Variants in SUPT5H observed in about 807,000 individuals in gnomAD.
SUPT5H encodes SPT5 homolog, DSIF elongation factor subunit, also known as transcription elongation factor SPT5.
A neutral mutation model predicts 142.5 loss-of-function variants in SUPT5H; 24 were observed. That is an observed-to-expected ratio of 0.17 (90% CI 0.12 to 0.24). The LOEUF (loss-of-function observed/expected upper bound fraction) is 0.24. Among genes scored for constraint, SUPT5H ranks in the 10% least tolerant of loss-of-function variants. The probability of loss-of-function intolerance (pLI) is 1.00; values close to 1 mark genes in which losing one functional copy is unlikely to be tolerated. For missense variants in SUPT5H, 893 were observed against 1,471.8 expected, an observed-to-expected ratio of 0.61 and a Z score of 6.43; for synonymous variants, 546 against 553.0, an observed-to-expected ratio of 0.99 and a Z score of 0.18.
Position 39,472,322 on chromosome 19 carries a change from A to G in SUPT5H, c.1951-87A>G. 7.5e-7 allele frequency: 1 copy of G among 1,337,280 alleles called. No homozygotes were observed. Among genetic ancestry groups the G allele is most frequent in the Non-Finnish European group, 1.1e-6 (1 of 936,456 alleles). 82.8% of individuals were successfully genotyped at this position (1,337,280 alleles called of 1,614,324 possible). A position where few individuals can be genotyped will look rare whatever the true frequency, so the allele number is the denominator to read the frequency against. Reference sequence around the variant, plus strand: ...GTGTGGGTGGCTGGGTGGTCTCCTCAGGGCCCTGCACGTGGGATGATGAGT... The same window carrying G: ...GTGTGGGTGGCTGGGTGGTCTCCTCGGGGCCCTGCACGTGGGATGATGAGT... On this transcript the variant is annotated intron_variant, in intron 20 of 29. Transcript: ENST00000432763. The surrounding 1 kb of genome is among the most constrained non-coding windows in gnomAD (Gnocchi z 4.2).
Position 39,465,020 on chromosome 19 carries a change from C to A in SUPT5H, c.847C>A (p.Arg283=). Reference sequence around the variant, plus strand: ...ACCAAAGTCCTGGGTCCGCCTCAAGCGGGGCATCTACAAGGATGACATTGC... The same window carrying A: ...ACCAAAGTCCTGGGTCCGCCTCAAGAGGGGCATCTACAAGGATGACATTGC... The part of the protein sequence containing the change: ...LKPKSWVRLK[R]GIYKDDIAQV... The change falls in exon 11 of 30, where the codon CGG becomes AGG. Residue 283 remains arginine (R), a synonymous_variant. Transcript: ENST00000432763. The A allele has an allele frequency of 6.2e-7, 1 of 1,614,084 alleles. No homozygotes were observed.
intron 3 of SUPT5H, among the ~76,000 whole-genome samples, chr19:39,455,255 C>T (rs1030267557): frequency 7.9e-5 from 12 of 152,126 alleles, no homozygotes; most frequent in South Asian, 2.1e-4. Flanking sequence ...AGGTACAGAA[C>T]GGTGTGTTAA....
chr19:39,454,620 G>A (rs2079064133), intron 3 of SUPT5H, among the ~76,000 whole-genome samples: 1 of 151,716 alleles, frequency 6.6e-6, no homozygotes, highest in South Asian at 2.1e-4. Context: ...GATTACGGGC[G>A]TGAGCCACCA....
In SUPT5H at chr19:39,458,267, A is replaced by ACCACCT. The variant is rs1568423100; in HGVS notation, c.308-22_308-21insTCCACC. On this transcript the variant is annotated intron_variant, in intron 4 of 29. Coordinates refer to ENST00000432763, the MANE Select transcript of SUPT5H (RefSeq NM_001111020.3). The surrounding 1 kb of genome is among the most constrained non-coding windows in gnomAD (Gnocchi z 4.2). ...CACCACCACCACCACCACCACCACC[A>ACCACCT]CCACCACCTCCTCTTCCTCCAAGTA... is the stretch of plus-strand genomic sequence containing the variant. The ACCACCT allele has an allele frequency of 5.1e-6, 4 of 790,394 alleles. No individual in the cohort carries two copies. The highest frequency in any genetic ancestry group is 2.8e-5 in the South Asian group (2 of 71,330). 49.0% of individuals were successfully genotyped at this position (790,394 alleles called of 1,614,324 possible). A position where few individuals can be genotyped will look rare whatever the true frequency, so the allele number is the denominator to read the frequency against.
Position 39,473,068 on chromosome 19 carries a change from T to G in SUPT5H, c.2212T>G (p.Ser738Ala). The G allele has an allele frequency of 6.2e-7, 1 of 1,613,480 alleles. No individual in the cohort carries two copies. Among genetic ancestry groups the G allele is most frequent in the South Asian group, 1.1e-5 (1 of 91,068 alleles). Residue 738 changes from serine to alanine, a missense_variant, in exon 23 of 30, where the codon TCC (serine) becomes GCC (alanine). Physicochemically the swap from Ser to Ala is moderately conservative, Grantham distance 99. Coordinates refer to ENST00000432763, the MANE Select transcript of SUPT5H (RefSeq NM_001111020.3). The surrounding 1 kb of genome is among the most constrained non-coding windows in gnomAD (Gnocchi z 5.8). ...TESTARVELH[S>A]TCQTISVDRQ... ...GTCCACGGCCCGTGTGGAGCTGCAC[T>G]CCACCTGCCAGACCATCTCTGTGGA...
Position 39,473,646 on chromosome 19 carries a change from G to A in SUPT5H, c.2492+125G>A. 1 of 1,191,018 alleles carries A rather than the reference G, an allele frequency of 8.4e-7. No homozygotes were observed. Among genetic ancestry groups the A allele is most frequent in the African/African-American group, 1.5e-5 (1 of 65,280 alleles). The allele number at this position is 1,191,018 out of a possible 1,614,324, so 73.8% of individuals were successfully genotyped here. A position where few individuals can be genotyped will look rare whatever the true frequency, so the allele number is the denominator to read the frequency against. On this transcript the variant is annotated intron_variant, in intron 25 of 29. Coordinates refer to ENST00000432763, the MANE Select transcript of SUPT5H (RefSeq NM_001111020.3). The surrounding 1 kb of genome is among the most constrained non-coding windows in gnomAD (Gnocchi z 5.8). ...ATTCTCTGCTCCTAGCCTCAGGCTG[G>A]TCCCTTTGAAGGAGGAGGCATAGCA... is the stretch of plus-strand genomic sequence containing the variant.
At chr19:39,467,705 G>A (rs1418813401) in intron 13 of SUPT5H, 1 of 152,264 alleles carries the variant, frequency 6.6e-6, no homozygotes, top group Admixed American at 6.5e-5. Context: ...GGGAGGGCAG[G>A]AGAGGAGGAC....
chr19:39,464,428 C>G (rs1480264512), intron 10 of SUPT5H, among the ~76,000 whole-genome samples: 2 of 152,080 alleles, frequency 1.3e-5, no homozygotes, highest in African/African-American at 4.8e-5. Flanking sequence ...GGTGCGATCT[C>G]AGCTCACTGC....
rs1015677215 is a variant in SUPT5H at position 39,469,965 on chromosome 19, G to T, written c.1375-154G>T. ...TCAGCTGTTTCTGGGGCAGTCTGAG[G>T]GGTCGTCCAGGTGGACTAAGGTAGT... On this transcript the variant is annotated intron_variant, in intron 16 of 29. Coordinates refer to ENST00000432763, the MANE Select transcript of SUPT5H (RefSeq NM_001111020.3). This position sits in a 1 kb window ranked among gnomAD's most constrained non-coding sequence, Gnocchi z 5.1. The T allele has an allele frequency of 4.1e-6, 4 of 980,436 alleles. No homozygotes were observed. Among genetic ancestry groups the T allele is most frequent in the Non-Finnish European group, 4.5e-6 (3 of 666,454 alleles). 60.7% of individuals were successfully genotyped at this position (980,436 alleles called of 1,614,324 possible).
At chr19:39,467,875 C>T (rs542984785) in intron 13 of SUPT5H, 9 of 152,210 alleles carry the variant, frequency 5.9e-5, no homozygotes, top group Non-Finnish European at 8.8e-5. Context: ...CTTCACCTGC[C>T]TGAGTTCGGA....
chr19:39,473,363 TA>T lies in SUPT5H; in HGVS notation c.2386+34del, dbSNP rs746580001. 1.8e-5 allele frequency: 29 copies of T among 1,613,132 alleles called. No individual in the cohort carries two copies. The Admixed American group carries it at 2.0e-4, about 11-fold the overall frequency. On this transcript the variant is annotated intron_variant, in intron 24 of 29. Coordinates refer to ENST00000432763, the MANE Select transcript of SUPT5H (RefSeq NM_001111020.3). The surrounding 1 kb of genome is among the most constrained non-coding windows in gnomAD (Gnocchi z 5.8). ...CCCGCAGGGGACAGGGAAGAGGGGC[TA>T]GGGGGACCTAGAGAAGGGACAGGAC...
rs1178981222 is a variant in SUPT5H at position 39,476,448 on chromosome 19, C to T, written c.*49C>T. The T allele has an allele frequency of 1.9e-6, 3 of 1,607,252 alleles. No individual in the cohort carries two copies. Among genetic ancestry groups the T allele is most frequent in the Non-Finnish European group, 2.5e-6 (3 of 1,176,816 alleles). ...GTCGGATGAAGAGTGATCCTCCTTC[C>T]TTCCCTGGCCCTTGGCTGTGACACA... On this transcript the variant is annotated 3_prime_UTR_variant, in exon 30 of 30. Transcript: ENST00000432763.
intron 2 of SUPT5H, among the ~76,000 whole-genome samples, chr19:39,449,394 G>C (rs987232612): frequency 6.6e-6 from 1 of 152,164 alleles, no homozygotes; most frequent in Non-Finnish European, 1.5e-5. Context: ...TTGTTAAAAT[G>C]TGCTTCATCG....
intron 28 of SUPT5H, among the ~76,000 whole-genome samples, chr19:39,475,569 G>T (rs1341695005): frequency 2.6e-5 from 4 of 152,040 alleles, no homozygotes; most frequent in Non-Finnish European, 5.9e-5. Context: ...TGGATTGGGG[G>T]TGGGGAGACT....
chr19:39,466,611 T>C lies in SUPT5H; in HGVS notation c.966+42T>C. On this transcript the variant is annotated intron_variant, in intron 12 of 29. Transcript: ENST00000432763. This position sits in a 1 kb window ranked among gnomAD's most constrained non-coding sequence, Gnocchi z 4.3. Reference sequence around the variant, plus strand: ...GTGGCCTGGGGGGGAGGGAGTGTGCTCGATCCCACTGGTGGCCAAGCCCCC... The same window carrying C: ...GTGGCCTGGGGGGGAGGGAGTGTGCCCGATCCCACTGGTGGCCAAGCCCCC... 1.2e-6 allele frequency: 2 copies of C among 1,613,512 alleles called. No individual in the cohort carries two copies. Among genetic ancestry groups the C allele is most frequent in the Non-Finnish European group, 1.7e-6 (2 of 1,179,436 alleles).
At position 39,459,540 on chromosome 19, in the gene SUPT5H, C is replaced by T. The variant is rs745469514; in HGVS notation, c.525-19C>T. 2 of 1,613,794 alleles carry T rather than the reference C, an allele frequency of 1.2e-6. No individual in the cohort carries two copies. The highest frequency in any genetic ancestry group is 1.7e-6 in the Non-Finnish European group (2 of 1,179,870). On this transcript the variant is annotated intron_variant, in intron 8 of 29. Coordinates refer to ENST00000432763, the MANE Select transcript of SUPT5H (RefSeq NM_001111020.3). The stretch of plus-strand genomic sequence containing the variant: ...AGATCCAGCTTCACTGAAGGCCTTC[C>T]TTTTCCTCTGCTGCTTAGGGATCCC...
intron 3 of SUPT5H, among the ~76,000 whole-genome samples, chr19:39,456,197 A>G (rs546452403): frequency 1.2e-4 from 18 of 150,132 alleles, no homozygotes; most frequent in Non-Finnish European, 2.4e-4. Flanking sequence ...GATTATAAGC[A>G]TGAGCCATTG....
chr19:39,456,851 G>A (rs145967332), intron 3 of SUPT5H, among the ~76,000 whole-genome samples: 2 of 152,230 alleles, frequency 1.3e-5, no homozygotes, highest in South Asian at 2.1e-4. Flanking sequence ...GAGCCACCAC[G>A]TCCAGCCTTA....
Position 39,470,162 on chromosome 19 carries a change from A to C in SUPT5H, c.1418A>C (p.Lys473Thr). The change falls in exon 17 of 30, where the codon AAG (lysine) becomes ACG (threonine). Residue 473 changes from lysine to threonine, a missense_variant. Lys to Thr is a moderately conservative substitution (Grantham distance 78). Around this residue, in one of 6 missense-constraint regions of SUPT5H, gnomAD observed 428 missense variants for 763.5 expected, o/e 0.56. Coordinates refer to ENST00000432763, the MANE Select transcript of SUPT5H (RefSeq NM_001111020.3). The surrounding 1 kb of genome is among the most constrained non-coding windows in gnomAD (Gnocchi z 5.8). ...GCCCAGGAACTTAGAAAATACTTCA[A>C]GATGGGGGACCACGTGAAGGTGATT... is the stretch of plus-strand genomic sequence containing the variant. The part of the protein sequence containing the change: ...FPAQELRKYF[K>T]MGDHVKVIAG... 6.2e-7 allele frequency: 1 copy of C among 1,613,186 alleles called. No homozygotes were observed. Among genetic ancestry groups the C allele is most frequent in the Non-Finnish European group, 8.5e-7 (1 of 1,179,516 alleles).
Sources: allele counts gnomAD v4.1 joint callset (sites outside exome capture counted in the v4.1 genomes callset), GRCh38; gene constraint gnomAD v4.1.1; regional missense constraint gnomAD v4.1.1; non-coding constraint Gnocchi (gnomAD v3.1); transcripts MANE v1.5; gene names NCBI Gene and HGNC (gene_info 2026-07-23, HGNC 2026-07-21).